The following WDR33 variants were observed in gnomAD, a reference collection of about 807,000 sequenced individuals.
WDR33 encodes the protein WD repeat domain 33.
Under a neutral mutation model 164.9 loss-of-function variants are expected in WDR33, and 47 were observed. That is an observed-to-expected ratio of 0.29 (90% CI 0.23 to 0.36). WDR33 has a LOEUF of 0.36. Among genes scored for constraint, WDR33 ranks in the 10% least tolerant of loss-of-function variants. WDR33 has a pLI of 1.00. For synonymous variants in WDR33, 505 were observed against 589.0 expected (o/e 0.86, Z 2.06); for missense variants, 1,137 against 1,754.1 (o/e 0.65, Z 6.28).
intron 7 of WDR33, among the ~76,000 whole-genome samples, chr2:127,758,389 A>G (rs1687579394): frequency 6.6e-6 from 1 of 152,218 alleles, no homozygotes; most frequent in Non-Finnish European, 1.5e-5. Context: ...CAACTCTTAT[A>G]AATTATATGA....
chr2:127,788,474 T>C (rs1440156569), intron 1 of WDR33, among the ~76,000 whole-genome samples: 752 of 96,920 alleles, frequency 7.8e-3, no homozygotes, highest in Middle Eastern at 0.019. Flanking sequence ...GGCGGGGGGC[T>C]GACACCCCCA....
rs1685879609 is a variant in WDR33 at position 127,701,579 on chromosome 2, T to TGGCGGCCC, written c.*4736_*4743dup. ...AGGAGTACCTGGCGCAGGGGAAAGCTGGCGGCCCGGCGGCCGCGGAGCCGC... is the reference window on the plus strand; with the variant it reads ...AGGAGTACCTGGCGCAGGGGAAAGCTGGCGGCCCGGCGGCCCGGCGGCCGCGGAGCCGC... On this transcript the variant is annotated 3_prime_UTR_variant, in exon 22 of 22. Coordinates refer to ENST00000322313, the MANE Select transcript of WDR33 (RefSeq NM_018383.5). 1.3e-5 allele frequency: 18 copies of TGGCGGCCC among 1,342,732 alleles called. No individual in the cohort carries two copies. Among genetic ancestry groups the TGGCGGCCC allele is most frequent in the East Asian group, 3.1e-5 (1 of 32,524 alleles). 83.2% of individuals were successfully genotyped at this position (1,342,732 alleles called of 1,614,324 possible). A position where few individuals can be genotyped will look rare whatever the true frequency, so the allele number is the denominator to read the frequency against.
At chr2:127,788,289 C>T (rs865939280) in intron 1 of WDR33, among the ~76,000 whole-genome samples, 219 of 110,088 alleles carry the variant, frequency 2.0e-3, no homozygotes, top group Middle Eastern at 7.6e-3. Flanking sequence ...GCCGGCCGGG[C>T]GGGGGGCTGA....
chr2:127,782,230 C>G (rs1334787093), intron 1 of WDR33, among the ~76,000 whole-genome samples: 1 of 151,896 alleles, frequency 6.6e-6, no homozygotes, highest in African/African-American at 2.4e-5. Flanking sequence ...AACATGGTGA[C>G]ACCCTGTCTC....
At chr2:127,795,728 G>C (rs994573216) in intron 1 of WDR33, among the ~76,000 whole-genome samples, 7 of 151,358 alleles carry the variant, frequency 4.6e-5, no homozygotes, top group Non-Finnish European at 8.8e-5. Context: ...AGCTACTCAG[G>C]AGGCTGAGAT....
chr2:127,801,883 C>CA (rs1008139654), intron 1 of WDR33, among the ~76,000 whole-genome samples: 26 of 151,234 alleles, frequency 1.7e-4, no homozygotes, highest in Admixed American at 7.3e-4. Context: ...GACTCCATCT[C>CA]AAAAAAAATG....
rs1686482940 is a variant in WDR33, at chr2:127,723,153, C to G, written c.1291+100G>C. The G allele has an allele frequency of 7.0e-7, 1 of 1,420,918 alleles. No individual in the cohort carries two copies. The highest frequency in any genetic ancestry group is 1.3e-5 in the South Asian group (1 of 76,758). The allele number at this position is 1,420,918 out of a possible 1,614,324, so 88.0% of individuals were successfully genotyped here. ...CACTGATGATTTATAAATAAATCTA[C>G]TATAAAATTAAAATTCATTTTGTAT... On this transcript the variant is annotated intron_variant, in intron 12 of 21. Coordinates refer to ENST00000322313, the MANE Select transcript of WDR33 (RefSeq NM_018383.5). This position sits in a 1 kb window ranked among gnomAD's most constrained non-coding sequence, Gnocchi z 5.9.
chr2:127,737,989 G>T, intron 7 of WDR33: 1 of 1,610,930 alleles, frequency 6.2e-7, no homozygotes, highest in Admixed American at 1.7e-5. Context: ...CCTAAACTTT[G>T]TCCACCTACT....
intron 7 of WDR33, chr2:127,736,674 T>C (rs1686853897): frequency 3.0e-6 from 3 of 985,332 alleles, no homozygotes; most frequent in Admixed American, 1.2e-4. Flanking sequence ...AAATTAGGCA[T>C]ACAACTCATA....
In WDR33 at chr2:127,717,134, T is replaced by C; in HGVS notation, c.2869+21A>G. On this transcript the variant is annotated intron_variant, in intron 17 of 21. Coordinates refer to ENST00000322313, the MANE Select transcript of WDR33 (RefSeq NM_018383.5). The surrounding 1 kb of genome is among the most constrained non-coding windows in gnomAD (Gnocchi z 5.6). ...AAAGGTGGTAGAATATAATCTTTTA[T>C]TCAGCTGAGCAGATATTTACCTTTG... is the stretch of plus-strand genomic sequence containing the variant. 6.4e-7 allele frequency: 1 copy of C among 1,574,460 alleles called. No individual in the cohort carries two copies. The highest frequency in any genetic ancestry group is 8.6e-7 in the Non-Finnish European group (1 of 1,156,508).
chr2:127,731,542 C>CAAAGATATTT (rs1686707942), intron 7 of WDR33, among the ~76,000 whole-genome samples: 1 of 152,062 alleles, frequency 6.6e-6, no homozygotes. Context: ...GATTTATGTA[C>CAAAGATATTT]AAAGATATTT....
Position 127,711,773 on chromosome 2 carries a change from TA to T in WDR33, c.3308+1809del, listed in dbSNP as rs1558919384. 6.8e-4 allele frequency among the ~76,000 whole-genome samples: 65 copies of T among 95,208 alleles called. 5 individuals carry two copies. The highest frequency in any genetic ancestry group is 3.2e-3 in the African/African-American group (55 of 17,130). 62.5% of individuals were successfully genotyped at this position (95,208 alleles called of 152,430 possible). On this transcript the variant is annotated intron_variant, in intron 18 of 21. Transcript: ENST00000322313. Reference sequence around the variant, plus strand: ...ACAGATATATATATATATATATATATATATATATTTTTTTTTTGAGACAGAG... The same window carrying T: ...ACAGATATATATATATATATATATATTATATATTTTTTTTTTGAGACAGAG...
At chr2:127,752,841 G>A (rs371815533) in intron 7 of WDR33, among the ~76,000 whole-genome samples, 37 of 152,180 alleles carry the variant, frequency 2.4e-4, no homozygotes, top group African/African-American at 8.7e-4. Flanking sequence ...ATAGCACATT[G>A]GCCACAGCGT....
chr2:127,725,016 T>A (rs1686530840), intron 9 of WDR33, 45 bp downstream of exon 9: 1 of 1,614,080 alleles, frequency 6.2e-7, no homozygotes, highest in Non-Finnish European at 8.5e-7. Context: ...TCTGAGAATG[T>A]TACAGGTAAC....
At chr2:127,755,305 G>T (rs553116024) in intron 7 of WDR33, among the ~76,000 whole-genome samples, 1 of 152,234 alleles carries the variant, frequency 6.6e-6, no homozygotes, top group South Asian at 2.1e-4. Flanking sequence ...CTGTTAAATA[G>T]GACGGGGCCA....
intron 1 of WDR33, among the ~76,000 whole-genome samples, chr2:127,783,597 TC>T (rs1688448983): frequency 8.0e-6 from 1 of 124,752 alleles, no homozygotes; most frequent in Non-Finnish European, 1.7e-5. Flanking sequence ...ATTTCAGGAC[TC>T]CTTTTTTTTT....
In WDR33 at chr2:127,763,768, G is replaced by A. The variant is rs1460278042; in HGVS notation, c.627-609C>T. On this transcript the variant is annotated intron_variant, in intron 6 of 21. Coordinates refer to ENST00000322313, the MANE Select transcript of WDR33 (RefSeq NM_018383.5). The surrounding 1 kb of genome is among the most constrained non-coding windows in gnomAD (Gnocchi z 4.5). ...AAGGACATTCAGACTTGTGTGTAAA[G>A]CCAAAGAATCTGCTGCAAGAAGGAG... is the stretch of plus-strand genomic sequence containing the variant. 5.1e-6 allele frequency: 5 copies of A among 985,460 alleles called. No homozygotes were observed. The African/African-American group carries it at 8.7e-5, about 17-fold the overall frequency. The allele number at this position is 985,460 out of a possible 1,614,324, so 61.0% of individuals were successfully genotyped here.
chr2:127,759,168 C>T (rs552842992), intron 7 of WDR33, among the ~76,000 whole-genome samples: 3 of 152,280 alleles, frequency 2.0e-5, no homozygotes, highest in South Asian at 4.1e-4. Context: ...GTGACTTACA[C>T]ATCCTTTGTA....
chr2:127,776,579 C>T (rs1688190852), intron 1 of WDR33, among the ~76,000 whole-genome samples: 1 of 152,130 alleles, frequency 6.6e-6, no homozygotes, highest in Non-Finnish European at 1.5e-5. Context: ...CCTGGTGGTG[C>T]ACACCTATAG....
Sources: gnomAD v4.1 joint callset for allele counts (sites outside exome capture counted in the v4.1 genomes callset) on GRCh38, gnomAD v4.1.1 for gene constraint, Gnocchi (gnomAD v3.1) non-coding constraint, MANE v1.5 for transcripts, NCBI Gene and HGNC (gene_info 2026-07-23, HGNC 2026-07-21) for gene names.